Variants in KCNIP4 observed in about 807,000 individuals in gnomAD.
The protein encoded by KCNIP4 is Kv channel-interacting protein 4.
KCNIP4 carries 12 observed loss-of-function variants against 34.0 expected under a neutral mutation model. The ratio of observed to expected loss-of-function variants is 0.35; its 90% CI spans 0.23 to 0.57. The LOEUF is 0.57. KCNIP4 is among the 20% of genes least tolerant of loss of function. The pLI is 0.83. For missense variants in KCNIP4, 238 were observed against 311.7 expected, an observed-to-expected ratio of 0.76 and a Z score of 1.78; for synonymous variants, 124 against 102.2, an observed-to-expected ratio of 1.21 and a Z score of -1.29.
intron 1 of KCNIP4, among the ~76,000 whole-genome samples, chr4:21,184,879 A>T (rs1439754659): frequency 6.6e-6 from 1 of 152,144 alleles, no homozygotes; most frequent in Non-Finnish European, 1.5e-5. Flanking sequence ...TAATATTTCC[A>T]GTGCTTAAAC....
Position 20,878,716 on chromosome 4 carries a change from T to G in KCNIP4, c.163+3892A>C, listed in dbSNP as rs1056721008. Among the ~76,000 whole-genome samples, 4 of 151,996 alleles carry G rather than the reference T, an allele frequency of 2.6e-5. 1 individual carries two copies. The highest frequency in any genetic ancestry group is 4.1e-4 in the South Asian group (2 of 4,820). ...GAGGTGGAGAATTTATGTAAATAAG[T>G]TTACAGTAATAAACAGGCATTTTGT... On this transcript the variant is annotated intron_variant, in intron 2 of 8. Coordinates refer to ENST00000382152, the MANE Select transcript of KCNIP4 (RefSeq NM_025221.6).
At chr4:21,703,909 T>G (rs1447836021) in intron 1 of KCNIP4, among the ~76,000 whole-genome samples, 1 of 152,130 alleles carries the variant, frequency 6.6e-6, no homozygotes, top group Non-Finnish European at 1.5e-5. Flanking sequence ...TGAAATCAGG[T>G]AGAATGACTT....
At chr4:21,478,481 A>G (rs1297027622) in intron 1 of KCNIP4, among the ~76,000 whole-genome samples, 3 of 152,178 alleles carry the variant, frequency 2.0e-5, no homozygotes, top group Non-Finnish European at 2.9e-5. Flanking sequence ...AACTGCAGCA[A>G]TCAAATGTTT....
chr4:20,735,996 G>A lies in KCNIP4; in HGVS notation c.430-1261C>T, dbSNP rs187138636. Among the ~76,000 whole-genome samples the A allele has an allele frequency of 1.4e-3, 210 of 152,224 alleles. 1 individual carries two copies. Among genetic ancestry groups the A allele is most frequent in the Non-Finnish European group, 2.3e-3 (155 of 68,016 alleles). On this transcript the variant is annotated intron_variant, in intron 5 of 8. Coordinates refer to ENST00000382152, the MANE Select transcript of KCNIP4 (RefSeq NM_025221.6). ...TCTCACATTCCTTCCTTTTATAGCT[G>A]TATTTCTATCTGAATTTCTCAAAAT... is the stretch of plus-strand genomic sequence containing the variant.
At chr4:21,676,790 G>A (rs1050216269) in intron 1 of KCNIP4, among the ~76,000 whole-genome samples, 8 of 152,048 alleles carry the variant, frequency 5.3e-5, no homozygotes, top group African/African-American at 1.9e-4. Flanking sequence ...ATGTTATGAA[G>A]CAAATTTATA....
chr4:21,014,804 G>A (rs1434832098), intron 1 of KCNIP4, among the ~76,000 whole-genome samples: 1 of 152,140 alleles, frequency 6.6e-6, no homozygotes, highest in Non-Finnish European at 1.5e-5. Context: ...TCAGATATTT[G>A]CACAGCATTG....
chr4:20,872,316 GTTC>G (rs1402122299), intron 2 of KCNIP4, among the ~76,000 whole-genome samples: 6 of 152,052 alleles, frequency 3.9e-5, no homozygotes, highest in African/African-American at 1.4e-4. Context: ...CTCATCTTTT[GTTC>G]TTCTACTTCC....
chr4:20,753,772 A>C (rs1394418809), intron 4 of KCNIP4, among the ~76,000 whole-genome samples: 1 of 152,224 alleles, frequency 6.6e-6, no homozygotes, highest in Non-Finnish European at 1.5e-5. Context: ...CAAGAAGGAT[A>C]CTCAGTGGGT....
intron 1 of KCNIP4, among the ~76,000 whole-genome samples, chr4:21,102,830 T>C (rs2109073658): frequency 6.6e-6 from 1 of 152,286 alleles, no homozygotes; most frequent in African/African-American, 2.4e-5. Context: ...CAAAAGTCCC[T>C]CTGTGACAGA....
intron 1 of KCNIP4, among the ~76,000 whole-genome samples, chr4:21,041,066 A>C (rs111666372): frequency 0.028 from 4,269 of 152,082 alleles, 187 homozygotes; most frequent in African/African-American, 0.096. Flanking sequence ...CATCCCTTTC[A>C]CATCTACCCT....
chr4:21,286,029 T>A (rs1161107867), intron 1 of KCNIP4, among the ~76,000 whole-genome samples: 1 of 152,216 alleles, frequency 6.6e-6, no homozygotes, highest in African/African-American at 2.4e-5. Flanking sequence ...TCAGAGCCTT[T>A]GTTCATCCAT....
Position 21,320,728 on chromosome 4 carries a change from T to C in KCNIP4, c.62-438019A>G, listed in dbSNP as rs142360492. 3.7e-3 allele frequency among the ~76,000 whole-genome samples: 569 copies of C among 152,158 alleles called. 2 individuals are homozygous for C. The highest frequency in any genetic ancestry group is 0.013 in the African/African-American group (532 of 41,522). On this transcript the variant is annotated intron_variant, in intron 1 of 8. Coordinates refer to ENST00000382152, the MANE Select transcript of KCNIP4 (RefSeq NM_025221.6). The stretch of plus-strand genomic sequence containing the variant: ...GCTCATGCCTGTAATCTCAGCACTT[T>C]GGGAGACCAAGGCGGGTGGATCACT...
chr4:21,288,975 G>A (rs1763281199), intron 1 of KCNIP4, among the ~76,000 whole-genome samples: 1 of 152,068 alleles, frequency 6.6e-6, no homozygotes, highest in African/African-American at 2.4e-5. Flanking sequence ...ATCCCCACTT[G>A]TTAATAAAGG....
intron 3 of KCNIP4, among the ~76,000 whole-genome samples, chr4:20,811,506 TGTGTGTGTGC>T (rs1414933383): frequency 3.6e-4 from 35 of 97,606 alleles, no homozygotes; most frequent in Admixed American, 2.4e-3. Flanking sequence ...TGTGTGTGTG[TGTGTGTGTGC>T]GCGCGCGCAC....
chr4:21,085,613 G>A (rs966897214), intron 1 of KCNIP4, among the ~76,000 whole-genome samples: 1 of 152,166 alleles, frequency 6.6e-6, no homozygotes, highest in African/African-American at 2.4e-5. Flanking sequence ...GGTCAAGGCT[G>A]CTGCTCTATC....
At chr4:21,871,368 A>G (rs1404275550) in intron 1 of KCNIP4, among the ~76,000 whole-genome samples, 1 of 150,898 alleles carries the variant, frequency 6.6e-6, no homozygotes, top group East Asian at 2.0e-4. Flanking sequence ...CACTATTCAC[A>G]ATAGCAAAGA....
intron 1 of KCNIP4, among the ~76,000 whole-genome samples, chr4:21,023,938 G>A (rs1740308684): frequency 6.6e-6 from 1 of 152,100 alleles, no homozygotes; most frequent in Non-Finnish European, 1.5e-5. Context: ...TCAGTAGGAT[G>A]ACCATAATGA....
In KCNIP4 at chr4:21,854,184, G is replaced by T. The variant is rs1038412651; in HGVS notation, c.61+94387C>A. 4.6e-5 allele frequency among the ~76,000 whole-genome samples: 7 copies of T among 152,172 alleles called. No individual in the cohort carries two copies. The East Asian group carries it at 1.4e-3, about 29-fold the overall frequency. On this transcript the variant is annotated intron_variant, in intron 1 of 8. Transcript: ENST00000382152. ...ATATACGCACAAGCTGATAAGGCAA[G>T]ATGATAAAACGGTAAGTATCAAGAA...
At chr4:21,715,971 T>G (rs1197006602) in intron 1 of KCNIP4, among the ~76,000 whole-genome samples, 1 of 152,180 alleles carries the variant, frequency 6.6e-6, no homozygotes, top group Non-Finnish European at 1.5e-5. Context: ...TTGATACGAC[T>G]TCTCTGATTT....
Sources: allele counts gnomAD v4.1 joint callset (sites outside exome capture counted in the v4.1 genomes callset), GRCh38; gene constraint gnomAD v4.1.1; transcripts MANE v1.5; gene names NCBI Gene and HGNC (gene_info 2026-07-23, HGNC 2026-07-21).